SLC9A9: variants seen among roughly 807,000 people sequenced by gnomAD.
SLC9A9 encodes solute carrier family 9 member A9.
A neutral mutation model predicts 77.8 loss-of-function variants in SLC9A9; 62 were observed. That is an observed-to-expected ratio of 0.80 (90% CI 0.65 to 0.98). SLC9A9 has a LOEUF of 0.98. SLC9A9 is among the 50% of genes least tolerant of loss of function. The pLI, the probability that SLC9A9 is intolerant of heterozygous loss-of-function variation, is 0.00. For missense variants in SLC9A9, 775 were observed against 774.9 expected (o/e 1.00, Z 0.00); for synonymous variants, 320 against 283.5 (o/e 1.13, Z -1.29).
chr3:143,621,354 G>A (rs1435902880), intron 6 of SLC9A9, among the ~76,000 whole-genome samples: 1 of 152,180 alleles, frequency 6.6e-6, no homozygotes, highest in Non-Finnish European at 1.5e-5. Context: ...GCCTAACTGG[G>A]AGGCACCCCC....
intron 14 of SLC9A9, among the ~76,000 whole-genome samples, chr3:143,295,310 T>C (rs1000279036): frequency 2.0e-5 from 3 of 152,216 alleles, no homozygotes; most frequent in Admixed American, 6.5e-5. Context: ...TCTTTTCTCT[T>C]TCTCAAAGTT....
chr3:143,564,140 T>C (rs187335195), intron 8 of SLC9A9, among the ~76,000 whole-genome samples: 1 of 152,350 alleles, frequency 6.6e-6, no homozygotes, highest in East Asian at 1.9e-4. Context: ...AATGTTTATA[T>C]GAATTTATTC....
chr3:143,755,212 C>T (rs997887317), intron 4 of SLC9A9, among the ~76,000 whole-genome samples: 1 of 152,078 alleles, frequency 6.6e-6, no homozygotes, highest in Non-Finnish European at 1.5e-5. Context: ...CCAGGATGAT[C>T]CCCAGCAGCC....
chr3:143,319,587 G>T (rs1337145969), intron 14 of SLC9A9, among the ~76,000 whole-genome samples: 1 of 152,178 alleles, frequency 6.6e-6, no homozygotes, highest in Non-Finnish European at 1.5e-5. Context: ...TGTTTAATTA[G>T]CAGGCAATGT....
At chr3:143,271,444 G>C (rs937898434) in intron 14 of SLC9A9, among the ~76,000 whole-genome samples, 1 of 152,126 alleles carries the variant, frequency 6.6e-6, no homozygotes, top group Non-Finnish European at 1.5e-5. Context: ...ATGTAGAAAT[G>C]GTTTTAAACC....
chr3:143,659,275 C>CA (rs2038944284), intron 5 of SLC9A9, among the ~76,000 whole-genome samples: 2 of 151,632 alleles, frequency 1.3e-5, no homozygotes, highest in East Asian at 1.9e-4. Context: ...AATCAAACAC[C>CA]AAAAAAAATC....
chr3:143,692,850 G>T (rs968948835), intron 5 of SLC9A9, among the ~76,000 whole-genome samples: 1 of 152,042 alleles, frequency 6.6e-6, no homozygotes, highest in Non-Finnish European at 1.5e-5. Flanking sequence ...ATCTCATTAC[G>T]TTTTAAGAAA....
intron 12 of SLC9A9, among the ~76,000 whole-genome samples, chr3:143,435,871 T>C (rs976860052): frequency 1.3e-5 from 2 of 152,086 alleles, no homozygotes; most frequent in Non-Finnish European, 2.9e-5. Flanking sequence ...GTAATACACC[T>C]GGAGGGTTAA....
intron 8 of SLC9A9, among the ~76,000 whole-genome samples, chr3:143,564,784 A>C (rs181006909): frequency 6.6e-6 from 1 of 152,310 alleles, no homozygotes; most frequent in African/African-American, 2.4e-5. Flanking sequence ...GATTCCTCCA[A>C]TGCTGAGTAT....
intron 4 of SLC9A9, among the ~76,000 whole-genome samples, chr3:143,717,968 C>T (rs1239461515): frequency 6.6e-6 from 1 of 151,792 alleles, no homozygotes; most frequent in Non-Finnish European, 1.5e-5. Context: ...AATGTGGATG[C>T]AATATTCTCA....
intron 12 of SLC9A9, among the ~76,000 whole-genome samples, chr3:143,439,165 G>T (rs548466310): frequency 1.3e-5 from 2 of 152,156 alleles, no homozygotes; most frequent in South Asian, 4.2e-4. Flanking sequence ...CACCATTCTG[G>T]GCCTTTTCCC....
intron 14 of SLC9A9, among the ~76,000 whole-genome samples, chr3:143,300,617 CAG>C (rs2030479500): frequency 6.6e-6 from 1 of 152,236 alleles, no homozygotes; most frequent in East Asian, 1.9e-4. Context: ...TCCTGATCCA[CAG>C]AGCTATGCTA....
chr3:143,741,278 A>G (rs989405806), intron 4 of SLC9A9, among the ~76,000 whole-genome samples: 1 of 152,126 alleles, frequency 6.6e-6, no homozygotes, highest in African/African-American at 2.4e-5. Context: ...CTCTCCCCCC[A>G]AAAAATCACC....
intron 12 of SLC9A9, among the ~76,000 whole-genome samples, chr3:143,384,308 T>G (rs964082240): frequency 1.3e-5 from 2 of 152,124 alleles, no homozygotes; most frequent in Admixed American, 1.3e-4. Context: ...CTCACAGCTG[T>G]GTGGTGGATC....
rs150808756 is a variant in SLC9A9 at position 143,678,297 on chromosome 3, A to G, written c.649+14895T>C. Among the ~76,000 whole-genome samples the G allele has an allele frequency of 7.9e-5, 12 of 151,870 alleles. No homozygotes were observed. In the East Asian group the frequency reaches 2.1e-3, roughly 27 times the overall value. ...TATGGTGTCTTTTCCACTTAAATGT[A>G]TTTTCTTTTTATATCTTCAAATATA... On this transcript the variant is annotated intron_variant, in intron 5 of 15. Transcript: ENST00000316549.
chr3:143,479,121 C>T (rs140913452), intron 11 of SLC9A9, among the ~76,000 whole-genome samples: 2 of 152,170 alleles, frequency 1.3e-5, no homozygotes, highest in African/African-American at 2.4e-5. Flanking sequence ...CACAAGATCT[C>T]GCTAGTGTTT....
intron 12 of SLC9A9, among the ~76,000 whole-genome samples, chr3:143,423,452 G>T (rs1380631901): frequency 6.6e-6 from 1 of 152,090 alleles, no homozygotes; most frequent in African/African-American, 2.4e-5. Flanking sequence ...TACAAGATGA[G>T]CCCAAAACAT....
intron 6 of SLC9A9, among the ~76,000 whole-genome samples, chr3:143,625,442 G>A (rs901388567): frequency 2.4e-4 from 36 of 152,186 alleles, no homozygotes; most frequent in Middle Eastern, 3.4e-3. Flanking sequence ...ACAGAACAGA[G>A]CCCTCAGAAA....
intron 11 of SLC9A9, among the ~76,000 whole-genome samples, chr3:143,490,387 T>C (rs1220408962): frequency 6.8e-6 from 1 of 148,100 alleles, no homozygotes; most frequent in Non-Finnish European, 1.5e-5. Context: ...GGATGAACCT[T>C]GAGGATGTCA....
Sources: gnomAD v4.1 joint callset for allele counts (sites outside exome capture counted in the v4.1 genomes callset) on GRCh38, gnomAD v4.1.1 for gene constraint, MANE v1.5 for transcripts, NCBI Gene and HGNC (gene_info 2026-07-23, HGNC 2026-07-21) for gene names.